Variants in OTUD7A observed in about 807,000 individuals in gnomAD.
The protein encoded by OTUD7A is OTU domain-containing protein 7A.
Under a neutral mutation model 65.7 loss-of-function variants are expected in OTUD7A, and 12 were observed. The observed-to-expected ratio is 0.18, with a 90% CI of 0.12 to 0.30. The LOEUF is 0.30. OTUD7A is among the 10% of genes least tolerant of loss of function. OTUD7A has a pLI of 1.00. For synonymous variants in OTUD7A, 641 were observed against 586.3 expected, an observed-to-expected ratio of 1.09 and a Z score of -1.35; for missense variants, 1,148 against 1,304.8, an observed-to-expected ratio of 0.88 and a Z score of 1.85.
At chr15:31,696,449 A>G (rs1317438328) in intron 1 of OTUD7A, among the ~76,000 whole-genome samples, 1 of 118,536 alleles carries the variant, frequency 8.4e-6, no homozygotes, top group Non-Finnish European at 1.8e-5. Context: ...TCGCCTTCTC[A>G]CCATCTAGAT....
At chr15:31,815,280 A>G (rs544815025) in intron 1 of OTUD7A, among the ~76,000 whole-genome samples, 423 of 152,296 alleles carry the variant, frequency 2.8e-3, no homozygotes, top group South Asian at 6.8e-3. Flanking sequence ...AGAAAGCAAC[A>G]TGCCCAAGTG....
intron 1 of OTUD7A, among the ~76,000 whole-genome samples, chr15:31,787,327 T>C (rs1895700753): frequency 6.6e-6 from 1 of 152,206 alleles, no homozygotes; most frequent in Non-Finnish European, 1.5e-5. Flanking sequence ...AAGAAAGCAT[T>C]TGGTTTTCTA....
At chr15:31,656,300 C>A (rs148882105) in intron 2 of OTUD7A, among the ~76,000 whole-genome samples, 1 of 152,232 alleles carries the variant, frequency 6.6e-6, no homozygotes, top group Non-Finnish European at 1.5e-5. Context: ...CGGTGGAGTG[C>A]AAATGCATCC....
At chr15:31,757,399 A>C (rs1894845860) in intron 1 of OTUD7A, among the ~76,000 whole-genome samples, 1 of 151,282 alleles carries the variant, frequency 6.6e-6, no homozygotes, top group Admixed American at 6.6e-5. Context: ...CTTGGCACAG[A>C]GAAAGGACTT....
At chr15:31,786,139 C>G (rs568576961) in intron 1 of OTUD7A, among the ~76,000 whole-genome samples, 3 of 152,250 alleles carry the variant, frequency 2.0e-5, no homozygotes, top group East Asian at 3.9e-4. Flanking sequence ...AGAGTCCCCA[C>G]CAGCAAGAAG....
At chr15:31,858,931 C>T (rs182719193) in intron 1 of OTUD7A, among the ~76,000 whole-genome samples, 4 of 152,332 alleles carry the variant, frequency 2.6e-5, no homozygotes, top group South Asian at 2.1e-4. Context: ...CTCTCACCAC[C>T]GTGGAAAACC....
chr15:31,562,342 C>A (rs1888717593), intron 4 of OTUD7A, among the ~76,000 whole-genome samples: 1 of 152,212 alleles, frequency 6.6e-6, no homozygotes, highest in Non-Finnish European at 1.5e-5. Context: ...GTTCCTTTGC[C>A]CTAAGCACTT....
At chr15:31,517,591 G>C (rs2041876430) in intron 8 of OTUD7A, among the ~76,000 whole-genome samples, 2 of 152,208 alleles carry the variant, frequency 1.3e-5, no homozygotes, top group Admixed American at 1.3e-4. Context: ...CATGTCCTGA[G>C]AACTTCCTAA....
chr15:31,530,326 G>A (rs1253211509), intron 6 of OTUD7A, among the ~76,000 whole-genome samples: 2 of 152,112 alleles, frequency 1.3e-5, no homozygotes, highest in African/African-American at 4.8e-5. Context: ...TGCTTTATCT[G>A]CAGGGTCTCC....
At chr15:31,813,863 T>C (rs1896482933) in intron 1 of OTUD7A, among the ~76,000 whole-genome samples, 1 of 152,056 alleles carries the variant, frequency 6.6e-6, no homozygotes, top group South Asian at 2.1e-4. Context: ...TGGACAACAG[T>C]CAGGAGGCTC....
chr15:31,752,089 T>C (rs1894652590), intron 1 of OTUD7A, among the ~76,000 whole-genome samples: 1 of 152,180 alleles, frequency 6.6e-6, no homozygotes, highest in African/African-American at 2.4e-5. Flanking sequence ...GGCATATTCA[T>C]ATACAAATAA....
intron 1 of OTUD7A, among the ~76,000 whole-genome samples, chr15:31,761,469 G>A (rs1595751879): frequency 1.3e-5 from 2 of 152,066 alleles, no homozygotes; most frequent in African/African-American, 2.4e-5. Flanking sequence ...AAATCACAAC[G>A]AAATATAACT....
chr15:31,524,497 C>T (rs112910377), intron 8 of OTUD7A, among the ~76,000 whole-genome samples: 76 of 152,120 alleles, frequency 5.0e-4, no homozygotes, highest in African/African-American at 1.8e-3. Flanking sequence ...GGAGAGAGTG[C>T]CTAGCACAGG....
chr15:31,795,436 G>A (rs1050199013), intron 1 of OTUD7A, among the ~76,000 whole-genome samples: 5 of 152,168 alleles, frequency 3.3e-5, no homozygotes, highest in African/African-American at 1.2e-4. Context: ...TGGAGGAGTG[G>A]GTTTCTGAAA....
chr15:31,488,291 T>G (rs1464062857), intron 10 of OTUD7A, among the ~76,000 whole-genome samples: 2 of 152,236 alleles, frequency 1.3e-5, no homozygotes, highest in East Asian at 1.9e-4. Flanking sequence ...AGGGATTGAC[T>G]CATCACAAAA....
At position 31,734,816 on chromosome 15, in the gene OTUD7A, A is replaced by G. The variant is rs28794298; in HGVS notation, c.-99-77739T>C. Reference sequence around the variant, plus strand: ...CTATAAAAGCTCTGGAAGATAACCTAGGCAATACCATCCTGGACATAGGTA... The same window carrying G: ...CTATAAAAGCTCTGGAAGATAACCTGGGCAATACCATCCTGGACATAGGTA... On this transcript the variant is annotated intron_variant, in intron 1 of 12. Transcript: ENST00000307050. Among the ~76,000 whole-genome samples the G allele has an allele frequency of 5.6e-3, 850 of 151,920 alleles. 4 individuals carry two copies. Among genetic ancestry groups the G allele is most frequent in the African/African-American group, 0.02 (815 of 41,414 alleles).
rs538751525 is a variant in OTUD7A, at chr15:31,868,091, C to T, written c.-100+2416G>A. ...TGGGCCTAAGGCATGAATAAATGAC[C>T]TTAATATCCCAAAGGGAACAGAAAG... is the stretch of plus-strand genomic sequence containing the variant. On this transcript the variant is annotated intron_variant, in intron 1 of 12. Coordinates refer to ENST00000307050, the MANE Select transcript of OTUD7A (RefSeq NM_001382637.1). Among the ~76,000 whole-genome samples the T allele has an allele frequency of 3.9e-5, 6 of 152,324 alleles. No homozygotes were observed. In the East Asian group the frequency reaches 1.2e-3, roughly 29 times the overall value.
At chr15:31,816,989 A>G (rs1237422498) in intron 1 of OTUD7A, among the ~76,000 whole-genome samples, 1 of 152,188 alleles carries the variant, frequency 6.6e-6, no homozygotes, top group Non-Finnish European at 1.5e-5. Context: ...ACTTGCCTCA[A>G]TTCACTTAAT....
chr15:31,613,981 T>G (rs1188364385), intron 3 of OTUD7A, among the ~76,000 whole-genome samples: 1 of 152,136 alleles, frequency 6.6e-6, no homozygotes, highest in African/African-American at 2.4e-5. Context: ...TAAAAGGGAA[T>G]GAATCAAAGG....
Sources: gnomAD v4.1 joint callset for allele counts (sites outside exome capture counted in the v4.1 genomes callset) on GRCh38, gnomAD v4.1.1 for gene constraint, MANE v1.5 for transcripts, NCBI Gene and HGNC (gene_info 2026-07-23, HGNC 2026-07-21) for gene names.